PLEKHA8: variants seen among roughly 807,000 people sequenced by gnomAD.
PLEKHA8 encodes the protein pleckstrin homology domain containing A8, also known as pleckstrin homology domain-containing family A member 8.
PLEKHA8 carries 36 observed loss-of-function variants against 68.2 expected under a neutral mutation model. The ratio of observed to expected loss-of-function variants is 0.53; its 90% CI spans 0.40 to 0.70. PLEKHA8 has a LOEUF of 0.70. Among genes scored for constraint, PLEKHA8 ranks in the 30% least tolerant of loss-of-function variants. The pLI is 0.00. For synonymous variants in PLEKHA8, 211 were observed against 216.1 expected, an observed-to-expected ratio of 0.98 and a Z score of 0.20; for missense variants, 505 against 615.4, an observed-to-expected ratio of 0.82 and a Z score of 1.90.
At chr7:30,087,658 T>G (rs1167858043), downstream of PLEKHA8, among the ~76,000 whole-genome samples, 2 of 152,224 alleles carry the variant, frequency 1.3e-5, no homozygotes, top group Non-Finnish European at 2.9e-5. Flanking sequence ...CTCTGGATTC[T>G]CTGCTCTTCA....
In PLEKHA8 at chr7:30,060,962, T is replaced by C; in HGVS notation, c.1098+20T>C. 6.2e-7 allele frequency: 1 copy of C among 1,609,062 alleles called. No individual in the cohort carries two copies. Among genetic ancestry groups the C allele is most frequent in the Non-Finnish European group, 8.5e-7 (1 of 1,177,524 alleles). On this transcript the variant is annotated intron_variant, in intron 10 of 13. Transcript: ENST00000449726. The stretch of plus-strand genomic sequence containing the variant: ...ATTAAGGTGAGCATACTGGTTTGTC[T>C]CTGTGGAAACTTTTAAATAAAGGAA...
intron 4 of PLEKHA8, among the ~76,000 whole-genome samples, chr7:30,048,532 A>G (rs1366888997): frequency 6.6e-6 from 1 of 152,188 alleles, no homozygotes; most frequent in Non-Finnish European, 1.5e-5. Context: ...AGCATTTATT[A>G]ATACAGTCAT....
chr7:30,077,697 G>A (rs1794694939), intron 13 of PLEKHA8, among the ~76,000 whole-genome samples: 1 of 152,122 alleles, frequency 6.6e-6, no homozygotes, highest in South Asian at 2.1e-4. Flanking sequence ...CAAAAATGGG[G>A]AGGTCTGATT....
intron 12 of PLEKHA8, among the ~76,000 whole-genome samples, 173 bp from the exon 13 acceptor site, chr7:30,073,895 CAGG>C (rs968607774): frequency 2.6e-5 from 4 of 151,832 alleles, no homozygotes; most frequent in Non-Finnish European, 4.4e-5. Context: ...GGAGCTGAGG[CAGG>C]AGGATCACTT....
intron 13 of PLEKHA8, among the ~76,000 whole-genome samples, chr7:30,128,893 C>G (rs1170484763): frequency 6.6e-6 from 1 of 152,050 alleles, no homozygotes; most frequent in African/African-American, 2.4e-5. Flanking sequence ...GGGGAGGGGG[C>G]AGGCTCTTTT....
Position 30,028,466 on chromosome 7 carries a change from T to G in PLEKHA8, c.-297T>G, listed in dbSNP as rs1039829496. ...AGCTCGTTCGCCGCACTTTGGAGGC[T>G]TCGGCTGCCCCTCCGACCCACGTAG... is the stretch of plus-strand genomic sequence containing the variant. On this transcript the variant is annotated 5_prime_UTR_variant, in exon 1 of 14. Transcript: ENST00000449726. 6.2e-5 allele frequency: 20 copies of G among 320,786 alleles called. No individual in the cohort carries two copies. The highest frequency in any genetic ancestry group is 1.1e-5 in the Non-Finnish European group (2 of 176,116). The allele number at this position is 320,786 out of a possible 1,614,324, so 19.9% of individuals were successfully genotyped here.
At chr7:30,118,143 C>A in intron 13 of PLEKHA8, 1 of 880,516 alleles carries the variant, frequency 1.1e-6, no homozygotes, top group Non-Finnish European at 1.6e-6. Context: ...CCAGGATGCC[C>A]AGCAAGCCCC....
At chr7:30,121,062 GTAACAATGGCC>G (rs1423103568) in intron 13 of PLEKHA8, among the ~76,000 whole-genome samples, 1 of 151,798 alleles carries the variant, frequency 6.6e-6, no homozygotes, top group African/African-American at 2.4e-5. Context: ...TGGGAAAAAT[GTAACAATGGCC>G]CAACGATAGA....
chr7:30,114,139 T>A (rs1366802185), intron 13 of PLEKHA8, among the ~76,000 whole-genome samples: 1 of 152,196 alleles, frequency 6.6e-6, no homozygotes, highest in Non-Finnish European at 1.5e-5. Context: ...CCTCATGTTA[T>A]CTGCCCACCT....
At chr7:30,060,379 A>G (rs1793343054) in intron 9 of PLEKHA8, among the ~76,000 whole-genome samples, 1 of 152,154 alleles carries the variant, frequency 6.6e-6, no homozygotes. Flanking sequence ...TGGAGGTTGC[A>G]GTGAGCCGAG....
At position 30,090,736 on chromosome 7, in the gene PLEKHA8, A is replaced by G. The variant is rs775620320; in HGVS notation, c.*561A>G. Reference sequence around the variant, plus strand: ...TAATCTTTTAAATAAACAGATTTCTAAAAAGAAATACGTATTGTTTCAGTT... The same window carrying G: ...TAATCTTTTAAATAAACAGATTTCTGAAAAGAAATACGTATTGTTTCAGTT... On this transcript the variant is annotated 3_prime_UTR_variant, in exon 13 of 13. Transcript: ENST00000258679. The G allele has an allele frequency of 1.9e-5, 12 of 648,168 alleles. No homozygotes were observed. In the East Asian group the frequency reaches 6.8e-4, roughly 37 times the overall value. The allele number at this position is 648,168 out of a possible 1,614,324, so 40.2% of individuals were successfully genotyped here. A position where few individuals can be genotyped will look rare whatever the true frequency, so the allele number is the denominator to read the frequency against.
chr7:30,120,120 C>T (rs1482476315), intron 13 of PLEKHA8, among the ~76,000 whole-genome samples: 1 of 148,684 alleles, frequency 6.7e-6, no homozygotes, highest in East Asian at 2.0e-4. Context: ...TGAGATACCT[C>T]TTCATACTCA....
At chr7:30,110,815 A>G (rs1416553221) in intron 13 of PLEKHA8, among the ~76,000 whole-genome samples, 2 of 151,874 alleles carry the variant, frequency 1.3e-5, no homozygotes, top group South Asian at 2.1e-4. Flanking sequence ...GCATCTTTTC[A>G]TGTGCTTATT....
intron 13 of PLEKHA8, among the ~76,000 whole-genome samples, chr7:30,108,067 CA>C (rs796801365): frequency 0.012 from 622 of 52,822 alleles, 3 homozygotes; most frequent in African/African-American, 0.028. Context: ...AACTCCATCT[CA>C]AAAAAAAAAA....
downstream of PLEKHA8, among the ~76,000 whole-genome samples, chr7:30,093,052 A>C (rs554576838): frequency 9.3e-4 from 142 of 152,160 alleles, no homozygotes; most frequent in Non-Finnish European, 1.7e-3. Flanking sequence ...AGGTTACCAG[A>C]TTTTCTCTCA....
At chr7:30,126,325 G>T in intron 13 of PLEKHA8, among the ~76,000 whole-genome samples, 1 of 152,182 alleles carries the variant, frequency 6.6e-6, no homozygotes, top group Non-Finnish European at 1.5e-5. Flanking sequence ...TTCTGAGCTG[G>T]TATCTCTTAG....
intron 7 of PLEKHA8, 28 bp downstream of exon 7, chr7:30,052,894 A>C: frequency 6.5e-7 from 1 of 1,535,964 alleles, no homozygotes; most frequent in Non-Finnish European, 8.7e-7. Context: ...GTCTGAAACA[A>C]ACCAATTTTA....
intron 12 of PLEKHA8, 148 bp downstream of exon 12, chr7:30,062,890 T>C (rs1050694313): frequency 4.0e-5 from 24 of 606,934 alleles, no homozygotes; most frequent in Middle Eastern, 5.3e-4. Flanking sequence ...TTGCTTCTTA[T>C]ATGCTTTGTT....
At chr7:30,063,046 A>G (rs992090819) in intron 12 of PLEKHA8, among the ~76,000 whole-genome samples, 5 of 152,240 alleles carry the variant, frequency 3.3e-5, no homozygotes, top group Non-Finnish European at 5.9e-5. Context: ...AGTTTTCCTA[A>G]ATCTTCAAAT....
Sources: gnomAD v4.1 joint callset for allele counts (sites outside exome capture counted in the v4.1 genomes callset) on GRCh38, gnomAD v4.1.1 for gene constraint, MANE v1.5 for transcripts, NCBI Gene and HGNC (gene_info 2026-07-23, HGNC 2026-07-21) for gene names.